ADAMTSL1: variants seen among roughly 807,000 people sequenced by gnomAD.
ADAMTSL1 encodes the protein ADAMTS like 1.
In ADAMTSL1, 126 loss-of-function variants were observed where a neutral mutation model predicts 201.8. The ratio of observed to expected loss-of-function variants is 0.62; its 90% CI spans 0.54 to 0.72. The LOEUF (loss-of-function observed/expected upper bound fraction) is 0.72, where lower values mean the gene tolerates loss of function less well. Among genes scored for constraint, ADAMTSL1 ranks in the 30% least tolerant of loss-of-function variants. ADAMTSL1 has a pLI of 0.00. For synonymous variants in ADAMTSL1, 1,121 were observed against 903.4 expected (o/e 1.24, Z -4.32); for missense variants, 2,679 against 2,277.8 (o/e 1.18, Z -3.59).
chr9:18,619,041 C>A (rs967713797), intron 4 of ADAMTSL1, among the ~76,000 whole-genome samples: 1 of 151,988 alleles, frequency 6.6e-6, no homozygotes, highest in Non-Finnish European at 1.5e-5. Context: ...CTTGAGCAGA[C>A]GCCTGATTTG....
chr9:18,777,726 T>C lies in ADAMTSL1; in HGVS notation c.3497T>C (p.Ile1166Thr). The C allele has an allele frequency of 6.2e-7, 1 of 1,613,516 alleles. No homozygotes were observed. Among genetic ancestry groups the C allele is most frequent in the South Asian group, 1.1e-5 (1 of 91,028 alleles). ...GSRRPHRKPT[I>T]LRKISAAQQL... ...CGAAGGCCACACCGCAAGCCCACCA[T>C]CCTGCGCAAGATCTCAGCGGCCCAG... The change falls in exon 19 of 29, where the codon ATC (isoleucine) becomes ACC (threonine). Residue 1166 changes from isoleucine to threonine, a missense_variant. By Grantham distance (89) the Ile-to-Thr change is moderately conservative. Coordinates refer to ENST00000380548, the MANE Select transcript of ADAMTSL1 (RefSeq NM_001040272.6).
chr9:18,886,949 A>G (rs1828937704), intron 23 of ADAMTSL1, among the ~76,000 whole-genome samples: 1 of 152,226 alleles, frequency 6.6e-6, no homozygotes, highest in Admixed American at 6.5e-5. Flanking sequence ...GATAGTCTTA[A>G]TTATCTTAAC....
chr9:18,718,369 C>T, intron 14 of ADAMTSL1: 1 of 724,904 alleles, frequency 1.4e-6, no homozygotes, highest in Non-Finnish European at 2.6e-6. Context: ...TCCAAGATTG[C>T]AAGCATACAC....
At chr9:18,460,723 A>C (rs1375220072) in intron 2 of ADAMTSL1, among the ~76,000 whole-genome samples, 6 of 152,190 alleles carry the variant, frequency 3.9e-5, no homozygotes, top group Non-Finnish European at 7.3e-5. Flanking sequence ...CAATGAAAAT[A>C]CTGCATTGAG....
chr9:18,283,863 G>T (rs1157107974), intron 2 of ADAMTSL1, among the ~76,000 whole-genome samples: 1 of 139,296 alleles, frequency 7.2e-6, no homozygotes, highest in Non-Finnish European at 1.5e-5. Context: ...AGTGAGCTGA[G>T]ATTGAGATTG....
intron 8 of ADAMTSL1, among the ~76,000 whole-genome samples, chr9:18,661,640 T>C (rs1829099252): frequency 6.6e-6 from 1 of 152,192 alleles, no homozygotes; most frequent in African/African-American, 2.4e-5. Flanking sequence ...TTAGATCATA[T>C]AAAAGAAATA....
chr9:18,398,275 T>A (rs754498756), intron 2 of ADAMTSL1, among the ~76,000 whole-genome samples: 5 of 152,108 alleles, frequency 3.3e-5, no homozygotes, highest in Non-Finnish European at 7.4e-5. Context: ...GTCCTCCCAT[T>A]GTGTCATTAT....
At position 18,588,334 on chromosome 9, in the gene ADAMTSL1, A is replaced by G. The variant is rs183440747; in HGVS notation, c.474+14068A>G. 1.9e-3 allele frequency among the ~76,000 whole-genome samples: 292 copies of G among 151,464 alleles called. 1 individual carries two copies. Among genetic ancestry groups the G allele is most frequent in the Middle Eastern group, 3.4e-3 (1 of 294 alleles). ...CAGAAATTTTTTTTCTTTGCTCTTGAGTTGAGCTCCTTATATACTCTGGTT... is the reference window on the plus strand; with the variant it reads ...CAGAAATTTTTTTTCTTTGCTCTTGGGTTGAGCTCCTTATATACTCTGGTT... On this transcript the variant is annotated intron_variant, in intron 4 of 28. Transcript: ENST00000380548.
At chr9:18,121,530 A>T (rs368975590) in intron 1 of ADAMTSL1, among the ~76,000 whole-genome samples, 1 of 152,320 alleles carries the variant, frequency 6.6e-6, no homozygotes, top group African/African-American at 2.4e-5. Context: ...AGTAATGCAA[A>T]CTCATTGTAG....
intron 20 of ADAMTSL1, among the ~76,000 whole-genome samples, chr9:18,808,299 C>T (rs1408804238): frequency 6.6e-6 from 1 of 152,142 alleles, no homozygotes; most frequent in Non-Finnish European, 1.5e-5. Context: ...TAACGTTTTT[C>T]TAATAGGTGT....
chr9:18,682,003 T>A (rs752891238), intron 12 of ADAMTSL1, 44 bp downstream of exon 12: 5 of 1,595,376 alleles, frequency 3.1e-6, no homozygotes, highest in Non-Finnish European at 4.3e-6. Flanking sequence ...AATTGTTGTG[T>A]GTAGTCAGGT....
chr9:17,943,932 G>A (rs1827345809), intron 1 of ADAMTSL1, among the ~76,000 whole-genome samples: 1 of 151,898 alleles, frequency 6.6e-6, no homozygotes, highest in South Asian at 2.1e-4. Flanking sequence ...GCCACAGAAG[G>A]AACGAGAGAG....
intron 2 of ADAMTSL1, among the ~76,000 whole-genome samples, chr9:18,442,964 C>T (rs1820056053): frequency 6.6e-6 from 1 of 152,200 alleles, no homozygotes; most frequent in Admixed American, 6.5e-5. Flanking sequence ...GGTTCCGGCT[C>T]CTTCCATGCC....
At chr9:18,882,974 A>G (rs2131515920) in intron 23 of ADAMTSL1, among the ~76,000 whole-genome samples, 1 of 145,902 alleles carries the variant, frequency 6.9e-6, no homozygotes, top group South Asian at 2.2e-4. Flanking sequence ...CCTGAGCAAC[A>G]GAATGAGAGC....
chr9:18,693,406 T>C lies in ADAMTSL1; in HGVS notation c.1574+8606T>C, dbSNP rs1426356563. 2.6e-5 allele frequency among the ~76,000 whole-genome samples: 4 copies of C among 152,336 alleles called. No individual in the cohort carries two copies. The East Asian group carries it at 5.8e-4, about 22-fold the overall frequency. On this transcript the variant is annotated intron_variant, in intron 13 of 28. Coordinates refer to ENST00000380548, the MANE Select transcript of ADAMTSL1 (RefSeq NM_001040272.6). ...TATAACTATAAGAAATATAAATGAA[T>C]AAGCCCACTGTGGCTGCTCAGTTTG...
intron 14 of ADAMTSL1, among the ~76,000 whole-genome samples, chr9:18,708,530 G>A (rs1315201362): frequency 6.6e-6 from 1 of 152,198 alleles, no homozygotes; most frequent in East Asian, 1.9e-4. Context: ...TAATGAGAGA[G>A]AAGTGTTAAA....
chr9:18,191,638 C>A (rs760133541), intron 2 of ADAMTSL1, among the ~76,000 whole-genome samples: 2 of 152,286 alleles, frequency 1.3e-5, no homozygotes, highest in East Asian at 3.9e-4. Flanking sequence ...AATCTAATTA[C>A]CAGCTTAAAG....
chr9:18,583,312 C>T (rs1439701526), intron 4 of ADAMTSL1, among the ~76,000 whole-genome samples: 4 of 152,168 alleles, frequency 2.6e-5, no homozygotes, highest in African/African-American at 7.2e-5. Flanking sequence ...GCCGTAGCTT[C>T]AGAGGGTGCA....
intron 17 of ADAMTSL1, among the ~76,000 whole-genome samples, chr9:18,774,348 A>G (rs746129588): frequency 1.3e-5 from 2 of 152,098 alleles, no homozygotes; most frequent in African/African-American, 2.4e-5. Flanking sequence ...AGCTCCTGAC[A>G]CTTAGAACTT....
Sources: allele counts gnomAD v4.1 joint callset (sites outside exome capture counted in the v4.1 genomes callset), GRCh38; gene constraint gnomAD v4.1.1; transcripts MANE v1.5; gene names NCBI Gene and HGNC (gene_info 2026-07-23, HGNC 2026-07-21).